The following RNGTT variants were observed in gnomAD, a reference collection of about 807,000 sequenced individuals.
RNGTT encodes mRNA-capping enzyme.
A neutral mutation model predicts 79.3 loss-of-function variants in RNGTT; 33 were observed. The ratio of observed to expected loss-of-function variants is 0.42; its 90% CI spans 0.32 to 0.56. RNGTT has a LOEUF of 0.56. Among genes scored for constraint, RNGTT ranks in the 20% least tolerant of loss-of-function variants. The pLI is 0.17. For synonymous variants in RNGTT, 222 were observed against 235.9 expected, an observed-to-expected ratio of 0.94 and a Z score of 0.54; for missense variants, 497 against 739.1, an observed-to-expected ratio of 0.67 and a Z score of 3.80.
chr6:88,736,694 A>G (rs1015025176), intron 13 of RNGTT, among the ~76,000 whole-genome samples: 4 of 152,214 alleles, frequency 2.6e-5, no homozygotes, highest in African/African-American at 9.6e-5. Flanking sequence ...GAGAACACCA[A>G]GGTTGTGCCT....
At chr6:88,868,175 G>C (rs990216327) in intron 8 of RNGTT, among the ~76,000 whole-genome samples, 3 of 151,552 alleles carry the variant, frequency 2.0e-5, no homozygotes, top group Non-Finnish European at 4.4e-5. Context: ...CTCTTTTAAG[G>C]CCTCAAAGGC....
intron 13 of RNGTT, among the ~76,000 whole-genome samples, chr6:88,735,641 A>C (rs1333607238): frequency 1.5e-4 from 23 of 152,016 alleles, no homozygotes; most frequent in Non-Finnish European, 1.5e-5. Flanking sequence ...GAACTAAATT[A>C]AAATGAAAAT....
chr6:88,855,763 C>G (rs1036899348), intron 8 of RNGTT, among the ~76,000 whole-genome samples: 1 of 152,164 alleles, frequency 6.6e-6, no homozygotes, highest in Non-Finnish European at 1.5e-5. Flanking sequence ...GCCAGGCCAG[C>G]TGGCACACAG....
At chr6:88,696,151 C>A (rs568152291) in intron 13 of RNGTT, among the ~76,000 whole-genome samples, 2 of 152,112 alleles carry the variant, frequency 1.3e-5, no homozygotes, top group Admixed American at 1.3e-4. Flanking sequence ...AAATTTCAAA[C>A]GTGCTCACCA....
At position 88,862,772 on chromosome 6, in the gene RNGTT, C is replaced by T. The variant is rs73498459; in HGVS notation, c.897-9008G>A. On this transcript the variant is annotated intron_variant, in intron 8 of 15. Coordinates refer to ENST00000369485, the MANE Select transcript of RNGTT (RefSeq NM_003800.5). ...TAACAAATTTAAAAGAACACACACA[C>T]ACAGTAACACTGTCTAACCATTTTT... Among the ~76,000 whole-genome samples, 338 of 152,306 alleles carry T rather than the reference C, an allele frequency of 2.2e-3. 1 individual carries two copies. The highest frequency in any genetic ancestry group is 7.9e-3 in the African/African-American group (327 of 41,570).
chr6:88,859,889 T>C (rs1216609899), intron 8 of RNGTT, among the ~76,000 whole-genome samples: 2 of 152,154 alleles, frequency 1.3e-5, no homozygotes, highest in Non-Finnish European at 2.9e-5. Flanking sequence ...CTGGGAAATG[T>C]AGGTTGCAAA....
chr6:88,727,152 A>G (rs1776939453), intron 13 of RNGTT, among the ~76,000 whole-genome samples: 1 of 152,204 alleles, frequency 6.6e-6, no homozygotes, highest in African/African-American at 2.4e-5. Context: ...AAGTTATAAA[A>G]CGGAATTTAT....
chr6:88,798,804 A>T (rs1230968291), intron 12 of RNGTT, among the ~76,000 whole-genome samples: 1 of 152,352 alleles, frequency 6.6e-6, no homozygotes, highest in Non-Finnish European at 1.5e-5. Context: ...TCTTAACACA[A>T]TAAAGGATAT....
At chr6:88,810,135 T>G (rs971219593) in intron 11 of RNGTT, among the ~76,000 whole-genome samples, 1 of 152,094 alleles carries the variant, frequency 6.6e-6, no homozygotes, top group Non-Finnish European at 1.5e-5. Context: ...ACTTCCACTT[T>G]AAGAAAGTAA....
intron 8 of RNGTT, among the ~76,000 whole-genome samples, chr6:88,860,824 T>TA (rs74369850): frequency 0.044 from 6,056 of 138,140 alleles, 387 homozygotes; most frequent in African/African-American, 0.14. Flanking sequence ...TTTTTTAACT[T>TA]AAAAAAAAAA....
At chr6:88,865,372 A>G (rs9451097) in intron 8 of RNGTT, among the ~76,000 whole-genome samples, 5,190 of 152,178 alleles carry the variant, frequency 0.034, 312 homozygotes, top group African/African-American at 0.12. Flanking sequence ...CCTGAATAAA[A>G]CAGAAAGGAT....
In RNGTT at chr6:88,877,239, CTAATATGCATTGAGTGCTGTA is replaced by C. The variant is rs1205764684; in HGVS notation, c.896+13235_896+13255del. ...CAGTCTTCAGTTATAACAACAATAA[CTAATATGCATTGAGTGCTGTA>C]TAATAAGCATTTTATGTGGGTCTCC... On this transcript the variant is annotated intron_variant, in intron 8 of 15. Transcript: ENST00000369485. Among the ~76,000 whole-genome samples, 3 of 152,190 alleles carry C rather than the reference CTAATATGCATTGAGTGCTGTA, an allele frequency of 2.0e-5. No homozygotes were observed. In the South Asian group the frequency reaches 6.2e-4, roughly 31 times the overall value.
intron 8 of RNGTT, among the ~76,000 whole-genome samples, chr6:88,860,645 C>A (rs781521630): frequency 2.6e-5 from 4 of 151,984 alleles, no homozygotes; most frequent in Admixed American, 6.6e-5. Flanking sequence ...TTATTTATTC[C>A]GTTGCATAAA....
intron 8 of RNGTT, among the ~76,000 whole-genome samples, chr6:88,859,542 T>C (rs1017613068): frequency 6.6e-6 from 1 of 152,154 alleles, no homozygotes; most frequent in South Asian, 2.1e-4. Context: ...TGGCCACAAA[T>C]GGCCCTGTAG....
chr6:88,660,112 G>A (rs986930722), intron 14 of RNGTT, among the ~76,000 whole-genome samples: 2 of 152,164 alleles, frequency 1.3e-5, no homozygotes, highest in African/African-American at 4.8e-5. Flanking sequence ...GAGATAATTT[G>A]CCACTACTAA....
In RNGTT at chr6:88,901,495, C is replaced by CTTTTTTTTTT. The variant is rs71024314; in HGVS notation, c.684+3210_684+3219dup. ...AAAAATAACTGTCAAGCACCCTGAT[C>CTTTTTTTTTT]TTTTTTTTTTTTTTTTTTTTTTTTT... On this transcript the variant is annotated intron_variant, in intron 6 of 15. Transcript: ENST00000369485. Among the ~76,000 whole-genome samples the CTTTTTTTTTT allele has an allele frequency of 1.6e-3, 105 of 65,810 alleles. 14 individuals carry two copies. The highest frequency in any genetic ancestry group is 4.5e-3 in the African/African-American group (63 of 14,058). The allele number at this position is 65,810 out of a possible 152,430, so 43.2% of individuals were successfully genotyped here.
chr6:88,889,319 ATACT>A (rs1782968542), intron 8 of RNGTT, among the ~76,000 whole-genome samples: 1 of 152,152 alleles, frequency 6.6e-6, no homozygotes, highest in South Asian at 2.1e-4. Context: ...ATATAATAAA[ATACT>A]TAAACATTCT....
intron 13 of RNGTT, among the ~76,000 whole-genome samples, chr6:88,743,784 T>C (rs1286377949): frequency 1.3e-5 from 2 of 152,256 alleles, no homozygotes; most frequent in African/African-American, 4.8e-5. Flanking sequence ...CATGAGGGTA[T>C]AAATCTCTTT....
chr6:88,712,725 T>C (rs986324471), intron 13 of RNGTT, among the ~76,000 whole-genome samples: 1 of 152,184 alleles, frequency 6.6e-6, no homozygotes, highest in Admixed American at 6.5e-5. Flanking sequence ...AAATACTCAA[T>C]GTGAAAAACA....
Sources: gnomAD v4.1 joint callset for allele counts (sites outside exome capture counted in the v4.1 genomes callset) on GRCh38, gnomAD v4.1.1 for gene constraint, MANE v1.5 for transcripts, NCBI Gene and HGNC (gene_info 2026-07-23, HGNC 2026-07-21) for gene names.